KCNJ4: variants seen among roughly 807,000 people sequenced by gnomAD.
The protein encoded by KCNJ4 is inward rectifier potassium channel 4.
Under a neutral mutation model 25.6 loss-of-function variants are expected in KCNJ4, and 3 were observed. That is an observed-to-expected ratio of 0.12 (90% CI 0.05 to 0.30). The LOEUF is 0.30. Ranked by LOEUF, KCNJ4 falls within the 10% of genes least tolerant of loss-of-function variation. The probability of loss-of-function intolerance (pLI) is 1.00; values close to 1 mark genes in which losing one functional copy is unlikely to be tolerated. For synonymous variants in KCNJ4, 257 were observed against 283.9 expected, an observed-to-expected ratio of 0.91 and a Z score of 0.95; for missense variants, 286 against 666.8, an observed-to-expected ratio of 0.43 and a Z score of 6.29.
At position 38,449,154 on chromosome 22, in the gene KCNJ4, G is replaced by A. The variant is rs2089395462; in HGVS notation, c.-40+5826C>T. Among the ~76,000 whole-genome samples the A allele has an allele frequency of 6.6e-6, 1 of 152,174 alleles. No individual in the cohort carries two copies. The highest frequency in any genetic ancestry group is 2.4e-5 in the African/African-American group (1 of 41,444). On this transcript the variant is annotated intron_variant, in intron 1 of 1. Coordinates refer to ENST00000303592, the MANE Select transcript of KCNJ4 (RefSeq NM_152868.3). The surrounding 1 kb of genome is among the most constrained non-coding windows in gnomAD (Gnocchi z 5.2). ...AGGGACTGGCCAGCAGCCACAGGGA[G>A]GAGTGGCTGAGCTGTTGCATGGAAG...
At chr22:38,451,997 A>C (rs2089413007) in intron 1 of KCNJ4, among the ~76,000 whole-genome samples, 1 of 152,210 alleles carries the variant, frequency 6.6e-6, no homozygotes, top group South Asian at 2.1e-4. Flanking sequence ...TCAGAGTCAG[A>C]GGCCTTATCT....
intron 1 of KCNJ4, among the ~76,000 whole-genome samples, chr22:38,447,957 G>C (rs538100470): frequency 6.6e-6 from 1 of 151,830 alleles, no homozygotes; most frequent in East Asian, 1.9e-4. Flanking sequence ...CCAGCTACTC[G>C]GGAGGCTGAG....
chr22:38,435,347 G>A (rs2093062351), intron 1 of KCNJ4, among the ~76,000 whole-genome samples: 1 of 152,238 alleles, frequency 6.6e-6, no homozygotes, highest in African/African-American at 2.4e-5. Context: ...CCAGGGCATA[G>A]CTCAGCGCAC....
chr22:38,430,417 C>A (rs1032575745), intron 1 of KCNJ4, among the ~76,000 whole-genome samples: 2 of 152,158 alleles, frequency 1.3e-5, no homozygotes, highest in Admixed American at 1.3e-4. Flanking sequence ...GCAGGAGGAT[C>A]GCTTGAACCT....
chr22:38,427,886 A>G lies in KCNJ4; in HGVS notation c.247T>C (p.Phe83Leu), dbSNP rs2093037868. 4 of 1,611,926 alleles carry G rather than the reference A, an allele frequency of 2.5e-6. No homozygotes were observed. The highest frequency in any genetic ancestry group is 1.1e-5 in the South Asian group (1 of 91,056). Residue 83 changes from phenylalanine to leucine, a missense_variant, in exon 2 of 2, where the codon TTC (phenylalanine) becomes CTC (leucine). Physicochemically the swap from Phe to Leu is conservative, Grantham distance 22. Around this residue, in one of 11 missense-constraint regions of KCNJ4, gnomAD observed 36 missense variants for 103.2 expected, o/e 0.35. Transcript: ENST00000303592. ...GGGCTGGCCTCCAGGTCACCGTGGA[A>G]GAAGGCGATACACCAGAAGAGGAGG... Reference protein sequence around the residue: ...FGLLFWCIAFFHGDLEASPGV... With the variant: ...FGLLFWCIAFLHGDLEASPGV...
intron 1 of KCNJ4, among the ~76,000 whole-genome samples, chr22:38,442,050 G>C (rs2089338744): frequency 6.6e-6 from 1 of 152,134 alleles, no homozygotes; most frequent in Non-Finnish European, 1.5e-5. Flanking sequence ...TCTGTGGATG[G>C]AGACCCAGGA....
chr22:38,433,916 C>T (rs1206254020), intron 1 of KCNJ4, among the ~76,000 whole-genome samples: 3 of 152,254 alleles, frequency 2.0e-5, no homozygotes, highest in Admixed American at 6.5e-5. Context: ...AGGACACTAA[C>T]TTATCTGTCC....
chr22:38,451,671 T>G (rs2089411180), intron 1 of KCNJ4, among the ~76,000 whole-genome samples: 1 of 152,158 alleles, frequency 6.6e-6, no homozygotes, highest in African/African-American at 2.4e-5. Context: ...AAGCCCTGGA[T>G]TCAGGCCCTG....
intron 1 of KCNJ4, among the ~76,000 whole-genome samples, chr22:38,442,287 G>A (rs527242161): frequency 2.6e-5 from 4 of 152,224 alleles, no homozygotes; most frequent in Admixed American, 6.5e-5. Context: ...GGTGGCTCAC[G>A]CCTGTAATCC....
chr22:38,452,990 C>G (rs2089419154), intron 1 of KCNJ4, among the ~76,000 whole-genome samples: 1 of 151,868 alleles, frequency 6.6e-6, no homozygotes. Flanking sequence ...GTGGTCCCCG[C>G]AGAGGGGCCC....
chr22:38,440,353 T>G (rs1274101527), intron 1 of KCNJ4, among the ~76,000 whole-genome samples: 4 of 151,856 alleles, frequency 2.6e-5, no homozygotes, highest in Non-Finnish European at 5.9e-5. Context: ...ACTAGCCTGG[T>G]CAACATGGTA....
chr22:38,454,949 A>G (rs2089431543), intron 1 of KCNJ4, 31 bp downstream of exon 1: 1 of 151,778 alleles, frequency 6.6e-6, no homozygotes, highest in South Asian at 2.1e-4. Context: ...AAACTGACGG[A>G]CAGCGCCCGG....
At chr22:38,434,279 A>G (rs2093058935) in intron 1 of KCNJ4, among the ~76,000 whole-genome samples, 1 of 152,118 alleles carries the variant, frequency 6.6e-6, no homozygotes, top group African/African-American at 2.4e-5. Context: ...GACTGGCCTG[A>G]GGTCACAGAG....
chr22:38,431,215 C>G (rs117608887), intron 1 of KCNJ4, among the ~76,000 whole-genome samples: 1 of 152,188 alleles, frequency 6.6e-6, no homozygotes, highest in African/African-American at 2.4e-5. Context: ...CCTGACATGG[C>G]GAGTTCACCT....
intron 1 of KCNJ4, among the ~76,000 whole-genome samples, chr22:38,439,215 C>A (rs745910314): frequency 6.6e-6 from 1 of 151,996 alleles, no homozygotes; most frequent in Non-Finnish European, 1.5e-5. Flanking sequence ...GGATGGATCA[C>A]GAGGTCAGGA....
At chr22:38,447,790 G>A (rs1013455618) in intron 1 of KCNJ4, among the ~76,000 whole-genome samples, 6 of 152,162 alleles carry the variant, frequency 3.9e-5, no homozygotes, top group Non-Finnish European at 8.8e-5. Flanking sequence ...TCCCGTCCGG[G>A]TGCAGTGGCT....
intron 1 of KCNJ4, among the ~76,000 whole-genome samples, chr22:38,448,439 C>T (rs2089390556): frequency 6.6e-6 from 1 of 152,114 alleles, no homozygotes; most frequent in Non-Finnish European, 1.5e-5. Context: ...CATGCGGAGC[C>T]AGTGAGGGGC....
At chr22:38,454,151 A>G (rs2089424957) in intron 1 of KCNJ4, among the ~76,000 whole-genome samples, 1 of 152,006 alleles carries the variant, frequency 6.6e-6, no homozygotes, top group Admixed American at 6.5e-5. Flanking sequence ...GCTGCTGAAC[A>G]TTCTACTGCT....
intron 1 of KCNJ4, among the ~76,000 whole-genome samples, chr22:38,428,900 A>C (rs2093040845): frequency 6.6e-6 from 1 of 151,980 alleles, no homozygotes; most frequent in Non-Finnish European, 1.5e-5. Context: ...CCTGGGCAAC[A>C]GAGTGAGACC....
Sources: gnomAD v4.1 joint callset for allele counts (sites outside exome capture counted in the v4.1 genomes callset) on GRCh38, gnomAD v4.1.1 for gene constraint, gnomAD v4.1.1 regional missense constraint, Gnocchi (gnomAD v3.1) non-coding constraint, MANE v1.5 for transcripts, NCBI Gene and HGNC (gene_info 2026-07-23, HGNC 2026-07-21) for gene names.